Variants in OR1L8 observed in about 807,000 individuals in gnomAD.
OR1L8 encodes the protein olfactory receptor 1L8.
For missense variants in OR1L8, 330 were observed against 377.4 expected, an observed-to-expected ratio of 0.87 and a Z score of 1.04; for synonymous variants, 148 against 147.0, an observed-to-expected ratio of 1.01 and a Z score of -0.05.
downstream of OR1L8, among the ~76,000 whole-genome samples, chr9:122,562,600 C>T (rs1287100362): frequency 6.6e-6 from 1 of 151,698 alleles, no homozygotes; most frequent in Admixed American, 6.6e-5. Context: ...GGTGGGCTGC[C>T]ACACCACACT....
At chr9:122,548,222 A>G in the OR1L8 span, among the ~76,000 whole-genome samples, 1 of 152,214 alleles carries the variant, frequency 6.6e-6, no homozygotes, top group Non-Finnish European at 1.5e-5. Context: ...GAGGAATAGT[A>G]AATTGTGAAA....
downstream of OR1L8, among the ~76,000 whole-genome samples, chr9:122,566,950 T>C (rs1033438611): frequency 1.4e-4 from 22 of 151,790 alleles, no homozygotes; most frequent in African/African-American, 5.1e-4. Flanking sequence ...TATGATAAAA[T>C]ATAAGAGGAA....
chr9:122,568,237 TG>T lies in OR1L8; in HGVS notation c.240del (p.Lys81ArgfsTer3). The T allele has an allele frequency of 6.2e-7, 1 of 1,614,108 alleles. No homozygotes were observed. The highest frequency in any genetic ancestry group is 2.2e-5 in the East Asian group (1 of 44,884). Reference sequence around the variant, plus strand: ...TCTGACAGGAAGTTCATCAGCATCTTGGGGACAACGCTTGTTGTAAAGCAAA... The same window carrying T: ...TCTGACAGGAAGTTCATCAGCATCTTGGGACAACGCTTGTTGTAAAGCAAA... ...TDICFTTSVVPKMLMNFLSEK... is the reference protein window; with the variant it reads ...TDICFTTSVVXKMLMNFLSEK... On this transcript the variant is annotated frameshift_variant, in exon 5 of 5. Coordinates refer to ENST00000641027, the MANE Select transcript of OR1L8 (RefSeq NM_001004454.2). LOFTEE classifies it low-confidence loss of function (END_TRUNC).
chr9:122,550,479 A>G, the OR1L8 span, among the ~76,000 whole-genome samples: 1 of 152,214 alleles, frequency 6.6e-6, no homozygotes, highest in African/African-American at 2.4e-5. Flanking sequence ...TGTGGTGACA[A>G]TAGATGCAAA....
the OR1L8 span, chr9:122,553,483 A>C: frequency 3.7e-5 from 60 of 1,613,952 alleles, 1 homozygote; most frequent in South Asian, 6.4e-4. Context: ...ATTCATACCC[A>C]GAGTCAGATC....
chr9:122,551,645 C>T, the OR1L8 span, among the ~76,000 whole-genome samples: 2 of 152,068 alleles, frequency 1.3e-5, no homozygotes, highest in African/African-American at 2.4e-5. Context: ...ATCACATTCC[C>T]GAGACCCACA....
intron 3 of OR1L8, among the ~76,000 whole-genome samples, chr9:122,574,848 T>TATC (rs1269735601): frequency 1.3e-5 from 2 of 152,140 alleles, no homozygotes; most frequent in Non-Finnish European, 2.9e-5. Flanking sequence ...AGTTTTTTCT[T>TATC]ATCAAGTTGA....
At chr9:122,555,757 T>G in the OR1L8 span, among the ~76,000 whole-genome samples, 1 of 152,184 alleles carries the variant, frequency 6.6e-6, no homozygotes, top group South Asian at 2.1e-4. Flanking sequence ...GTTTTTGGTT[T>G]ATAGAAAAAT....
At position 122,568,382 on chromosome 9, in the gene OR1L8, G is replaced by C. The variant is rs1312185564; in HGVS notation, c.96C>G (p.Phe32Leu). ...TTATGGTGACCAGGTACACGATGAG[G>C]AAGAGAACAAAGAGTGTCTTTTGGT... ...PEDQKTLFVL[F>L]LIVYLVTITG... Residue 32 changes from phenylalanine (F) to leucine (L), a missense_variant, in exon 5 of 5, where the codon TTC becomes TTG. By Grantham distance (22) the Phe-to-Leu change is conservative. Coordinates refer to ENST00000641027, the MANE Select transcript of OR1L8 (RefSeq NM_001004454.2). 2 of 1,613,762 alleles carry C rather than the reference G, an allele frequency of 1.2e-6. No homozygotes were observed. Among genetic ancestry groups the C allele is most frequent in the East Asian group, 2.2e-5 (1 of 44,870 alleles).
At chr9:122,555,109 G>A in the OR1L8 span, among the ~76,000 whole-genome samples, 1 of 152,094 alleles carries the variant, frequency 6.6e-6, no homozygotes. Flanking sequence ...TTTCAAAAAA[G>A]GAAATGAAAT....
At chr9:122,562,956 T>C (rs1016221441), downstream of OR1L8, among the ~76,000 whole-genome samples, 6 of 152,244 alleles carry the variant, frequency 3.9e-5, no homozygotes, top group African/African-American at 1.4e-4. Flanking sequence ...ATCTTGGCTG[T>C]TGTAAATAGT....
chr9:122,559,954 G>A, the OR1L8 span, among the ~76,000 whole-genome samples: 1 of 152,152 alleles, frequency 6.6e-6, no homozygotes, highest in South Asian at 2.1e-4. Flanking sequence ...CTATTATTGT[G>A]TAGGTGTCTA....
Position 122,567,452 on chromosome 9 carries a change from C to A in OR1L8, c.*96G>T. 1 of 916,580 alleles carries A rather than the reference C, an allele frequency of 1.1e-6. No homozygotes were observed. The highest frequency in any genetic ancestry group is 2.4e-5 in the Admixed American group (1 of 42,128). 56.8% of individuals were successfully genotyped at this position (916,580 alleles called of 1,614,324 possible). A position where few individuals can be genotyped will look rare whatever the true frequency, so the allele number is the denominator to read the frequency against. On this transcript the variant is annotated 3_prime_UTR_variant, in exon 5 of 5. Coordinates refer to ENST00000641027, the MANE Select transcript of OR1L8 (RefSeq NM_001004454.2). ...CCTTGTCTCACATGGGTCAGAAGTGCTAGCTTCCAACAGCTTTGACTGTTC... is the reference window on the plus strand; with the variant it reads ...CCTTGTCTCACATGGGTCAGAAGTGATAGCTTCCAACAGCTTTGACTGTTC...
At position 122,567,981 on chromosome 9, in the gene OR1L8, C is replaced by G. The variant is rs373426364; in HGVS notation, c.497G>C (p.Arg166Pro). Residue 166 changes from arginine (R) to proline (P), a missense_variant, in exon 5 of 5, where the codon CGT (arginine) becomes CCT (proline). By Grantham distance (103) the Arg-to-Pro change is moderately radical. Transcript: ENST00000641027. The part of the protein sequence containing the change: ...HSLLHTLLLN[R>P]LTFCDSNVIH... ...AACATTGGAGTCACAGAAGGTGAGA[C>G]GATTCAGCAGAAGTGTGTGCAGGAG... 2 of 1,613,916 alleles carry G rather than the reference C, an allele frequency of 1.2e-6. No individual in the cohort carries two copies. The highest frequency in any genetic ancestry group is 1.7e-6 in the Non-Finnish European group (2 of 1,180,018).
At chr9:122,565,703 T>C (rs1475069360), downstream of OR1L8, among the ~76,000 whole-genome samples, 1 of 152,266 alleles carries the variant, frequency 6.6e-6, no homozygotes, top group Non-Finnish European at 1.5e-5. Context: ...AGGTAGTTTT[T>C]AACTTACCTT....
the OR1L8 span, among the ~76,000 whole-genome samples, chr9:122,559,145 T>C: frequency 6.6e-6 from 1 of 152,128 alleles, no homozygotes. Flanking sequence ...ACACCAGAGC[T>C]TGTTAATCCT....
intron 1 of OR1L8, among the ~76,000 whole-genome samples, chr9:122,579,433 C>G (rs1435506287): frequency 6.6e-6 from 1 of 152,112 alleles, no homozygotes; most frequent in African/African-American, 2.4e-5. Flanking sequence ...CGCTCTTTCT[C>G]TCCTTTAAGA....
the OR1L8 span, among the ~76,000 whole-genome samples, chr9:122,550,634 A>G: frequency 6.6e-6 from 1 of 152,160 alleles, no homozygotes; most frequent in African/African-American, 2.4e-5. Context: ...CATAAACAGA[A>G]TTTAAAATAA....
chr9:122,557,893 A>C, the OR1L8 span, among the ~76,000 whole-genome samples: 1 of 152,006 alleles, frequency 6.6e-6, no homozygotes, highest in Admixed American at 6.5e-5. Context: ...TCTTTAATAG[A>C]AATAGGCCTG....
Sources: allele counts gnomAD v4.1 joint callset (sites outside exome capture counted in the v4.1 genomes callset), GRCh38; gene constraint gnomAD v4.1.1; transcripts MANE v1.5; gene names NCBI Gene and HGNC (gene_info 2026-07-23, HGNC 2026-07-21).